The following MLIP variants were observed in gnomAD, a reference collection of about 807,000 sequenced individuals.
MLIP encodes muscular LMNA-interacting protein.
In MLIP, 79 loss-of-function variants were observed where a neutral mutation model predicts 84.8. That is an observed-to-expected ratio of 0.93 (90% confidence interval 0.78 to 1.12). The LOEUF is 1.12. MLIP is among the 50% of genes most tolerant of loss of function. The pLI, the probability that MLIP is intolerant of heterozygous loss-of-function variation, is 0.00. For missense variants in MLIP, 1,257 were observed against 1,160.6 expected, an observed-to-expected ratio of 1.08 and a Z score of -1.21; for synonymous variants, 504 against 463.0, an observed-to-expected ratio of 1.09 and a Z score of -1.14.
intron 12 of MLIP, among the ~76,000 whole-genome samples, chr6:54,236,518 C>T (rs1438710524): frequency 1.3e-5 from 2 of 152,174 alleles, no homozygotes; most frequent in African/African-American, 4.8e-5. Context: ...AGGAGAATTG[C>T]TTGAACCCCG....
At chr6:54,027,408 CACACACACACACATAT>C (rs1445778639) in intron 1 of MLIP, among the ~76,000 whole-genome samples, 4 of 111,042 alleles carry the variant, frequency 3.6e-5, no homozygotes, top group African/African-American at 1.4e-4. Context: ...CACACACACA[CACACACACACACATAT>C]ATACATAAAA....
At chr6:54,245,967 A>G (rs1782051873) in intron 12 of MLIP, among the ~76,000 whole-genome samples, 2 of 152,200 alleles carry the variant, frequency 1.3e-5, no homozygotes, top group Admixed American at 1.3e-4. Context: ...TATGAGCATA[A>G]AATTTTTTCA....
At chr6:54,199,952 C>T (rs1055524764) in intron 10 of MLIP, among the ~76,000 whole-genome samples, 1 of 152,028 alleles carries the variant, frequency 6.6e-6, no homozygotes, top group Non-Finnish European at 1.5e-5. Flanking sequence ...AAGAAAAGAA[C>T]GTGGAAAATC....
intron 5 of MLIP, among the ~76,000 whole-genome samples, chr6:54,154,119 C>A (rs573781599): frequency 2.7e-5 from 4 of 150,472 alleles, no homozygotes; most frequent in Non-Finnish European, 5.9e-5. Context: ...CTTTCTCTAT[C>A]TTGAACTTCT....
chr6:54,096,646 T>C (rs1025728858), intron 1 of MLIP, among the ~76,000 whole-genome samples: 24 of 152,126 alleles, frequency 1.6e-4, no homozygotes, highest in Admixed American at 8.5e-4. Flanking sequence ...CCAGGCTCCA[T>C]TGGGTCTGCT....
At chr6:54,083,380 C>G (rs1767285259) in intron 1 of MLIP, 1 of 1,170,508 alleles carries the variant, frequency 8.5e-7, no homozygotes, top group African/African-American at 1.5e-5. Flanking sequence ...AGATGCATTG[C>G]TATTTCCAGT....
At chr6:54,109,894 CT>C (rs1769293320), upstream of MLIP, among the ~76,000 whole-genome samples, 1 of 142,416 alleles carries the variant, frequency 7.0e-6, no homozygotes, top group Admixed American at 7.1e-5. Flanking sequence ...ATAGGGCTTT[CT>C]TTTCTTTCTT....
At chr6:54,042,012 G>A (rs1764770854) in intron 1 of MLIP, among the ~76,000 whole-genome samples, 1 of 152,046 alleles carries the variant, frequency 6.6e-6, no homozygotes, top group Non-Finnish European at 1.5e-5. Context: ...CCTGTTGCTG[G>A]GATCAGGTCA....
chr6:54,104,281 A>G (rs1043478153), intron 1 of MLIP, among the ~76,000 whole-genome samples: 3 of 152,126 alleles, frequency 2.0e-5, no homozygotes, highest in Non-Finnish European at 2.9e-5. Flanking sequence ...ATATACTGTT[A>G]CCTCAAAAGA....
intron 1 of MLIP, among the ~76,000 whole-genome samples, chr6:54,070,645 C>T (rs1295853474): frequency 1.3e-5 from 2 of 152,114 alleles, no homozygotes; most frequent in African/African-American, 4.8e-5. Context: ...TATAAGTTAA[C>T]TCATTATATA....
Position 54,095,525 on chromosome 6 carries a change from C to T in MLIP, c.64-25922C>T, listed in dbSNP as rs1400246599. Among the ~76,000 whole-genome samples the T allele has an allele frequency of 1.1e-4, 17 of 152,126 alleles. 1 individual carries two copies. In the East Asian group the frequency reaches 3.3e-3, roughly 29 times the overall value. On this transcript the variant is annotated intron_variant, in intron 1 of 12. Transcript: ENST00000274897. ...CATTCAATTCTGGGTTTTCCTTTCCCTTCCAATCCCTTTCTGACTCCTGCT... is the reference window on the plus strand; with the variant it reads ...CATTCAATTCTGGGTTTTCCTTTCCTTTCCAATCCCTTTCTGACTCCTGCT...
rs1455370000 is a variant in MLIP at position 54,138,300 on chromosome 6, G to A, written c.2217+14G>A. On this transcript the variant is annotated intron_variant, in intron 4 of 13. Transcript: ENST00000502396. Reference sequence around the variant, plus strand: ...AAGAAATCAAAGGTATTTTTTGCATGTTGCATGGTGCATGCTTATTTTGAA... The same window carrying A: ...AAGAAATCAAAGGTATTTTTTGCATATTGCATGGTGCATGCTTATTTTGAA... 6.5e-7 allele frequency: 1 copy of A among 1,529,862 alleles called. No homozygotes were observed. The highest frequency in any genetic ancestry group is 8.7e-7 in the Non-Finnish European group (1 of 1,142,876). The allele number at this position is 1,529,862 out of a possible 1,614,324, so 94.8% of individuals were successfully genotyped here.
At chr6:54,019,123 A>G (rs376093770) in intron 1 of MLIP, 80 of 1,607,526 alleles carry the variant, frequency 5.0e-5, no homozygotes, top group Non-Finnish European at 6.8e-5. Context: ...ACACAGATTT[A>G]TAATGAAATT....
At chr6:54,211,752 A>C (rs1779467978) in intron 11 of MLIP, among the ~76,000 whole-genome samples, 1 of 152,198 alleles carries the variant, frequency 6.6e-6, no homozygotes, top group South Asian at 2.1e-4. Flanking sequence ...TACAATGCCC[A>C]GTACATTCCC....
At chr6:54,143,172 A>G (rs1216521930) in intron 4 of MLIP, among the ~76,000 whole-genome samples, 14 of 151,466 alleles carry the variant, frequency 9.2e-5, no homozygotes, top group Admixed American at 9.2e-4. Context: ...ATGATTGACA[A>G]AAGCTTGTCT....
rs370069097 is a variant in MLIP, at chr6:54,111,517, A to G, written c.38A>G (p.Asn13Ser). ...SEQGLLSDCG[N>S]NYFQMTSCIL... is the part of the protein sequence containing the mutation. ...CAGGGGCTTCTGAGTGACTGCGGGA[A>G]CAATTACTTCCAAATGACCTCGTGC... Residue 13 changes from asparagine to serine, a missense_variant, in exon 1 of 14, where the codon AAC becomes AGC. Coordinates refer to ENST00000502396, the MANE Select transcript of MLIP (RefSeq NM_001281747.2). 9.1e-6 allele frequency: 14 copies of G among 1,536,058 alleles called. No homozygotes were observed. In the East Asian group the frequency reaches 1.7e-4, roughly 19 times the overall value.
intron 3 of MLIP, among the ~76,000 whole-genome samples, chr6:54,129,831 G>T (rs143471295): frequency 6.6e-6 from 1 of 152,268 alleles, no homozygotes; most frequent in Non-Finnish European, 1.5e-5. Context: ...GCAAGAATAG[G>T]TGAGAGGTGA....
chr6:54,164,425 A>G (rs1037259353), intron 8 of MLIP, among the ~76,000 whole-genome samples: 1 of 151,944 alleles, frequency 6.6e-6, no homozygotes, highest in Admixed American at 6.6e-5. Context: ...CCTGTATTAC[A>G]TTCTTTGTTG....
chr6:54,049,575 T>C (rs749232418), intron 1 of MLIP, among the ~76,000 whole-genome samples: 1 of 152,146 alleles, frequency 6.6e-6, no homozygotes, highest in Non-Finnish European at 1.5e-5. Context: ...TATTTACTTG[T>C]AGTGAGAGGG....
Sources: gnomAD v4.1 joint callset for allele counts (sites outside exome capture counted in the v4.1 genomes callset) on GRCh38, gnomAD v4.1.1 for gene constraint, MANE v1.5 for transcripts, NCBI Gene and HGNC (gene_info 2026-07-23, HGNC 2026-07-21) for gene names.